The following CCSER1 variants were observed in gnomAD, a reference collection of about 807,000 sequenced individuals.
The protein encoded by CCSER1 is serine-rich coiled-coil domain-containing protein 1.
Under a neutral mutation model 82.0 loss-of-function variants are expected in CCSER1, and 41 were observed. The observed-to-expected ratio is 0.50, with a 90% CI of 0.39 to 0.65. CCSER1 has a LOEUF of 0.65. Among genes scored for constraint, CCSER1 ranks in the 30% least tolerant of loss-of-function variants. The pLI is 0.00. For missense variants in CCSER1, 1,119 were observed against 1,064.2 expected (o/e 1.05, Z -0.72); for synonymous variants, 414 against 383.9 (o/e 1.08, Z -0.92).
chr4:91,297,012 T>C (rs1340600795), intron 10 of CCSER1, among the ~76,000 whole-genome samples: 1 of 151,722 alleles, frequency 6.6e-6, no homozygotes, highest in Non-Finnish European at 1.5e-5. Context: ...CCAGCAATCC[T>C]TAAAGAGGAC....
chr4:91,339,108 G>A (rs920649344), intron 10 of CCSER1, among the ~76,000 whole-genome samples: 1 of 152,062 alleles, frequency 6.6e-6, no homozygotes, highest in African/African-American at 2.4e-5. Context: ...ATATAGAATT[G>A]TGCCTCAATG....
chr4:90,539,112 C>T (rs182438302), intron 5 of CCSER1, among the ~76,000 whole-genome samples: 195 of 152,014 alleles, frequency 1.3e-3, no homozygotes, highest in Admixed American at 3.1e-3. Context: ...TATAAAGGTA[C>T]GTAAACTTAT....
At chr4:90,286,098 T>A (rs1269311245) in intron 1 of CCSER1, among the ~76,000 whole-genome samples, 2 of 152,100 alleles carry the variant, frequency 1.3e-5, no homozygotes, top group East Asian at 3.9e-4. Context: ...GCATTTTTCT[T>A]TTTTTGTCAT....
chr4:90,813,567 G>T (rs1758618804), intron 7 of CCSER1, among the ~76,000 whole-genome samples: 2 of 152,076 alleles, frequency 1.3e-5, no homozygotes, highest in South Asian at 4.1e-4. Context: ...TCTTTCCTAT[G>T]CTATTCTCGT....
chr4:91,505,336 A>G (rs956749382), intron 10 of CCSER1, among the ~76,000 whole-genome samples: 4 of 152,294 alleles, frequency 2.6e-5, no homozygotes, highest in South Asian at 4.1e-4. Flanking sequence ...TAATCAGTCT[A>G]TCATCTATTG....
intron 10 of CCSER1, among the ~76,000 whole-genome samples, chr4:91,375,493 A>G (rs965210296): frequency 2.0e-5 from 3 of 151,972 alleles, no homozygotes; most frequent in Non-Finnish European, 2.9e-5. Context: ...GGAAGTGTCA[A>G]CTGATGTGGG....
At chr4:90,923,761 A>G (rs937166039) in intron 9 of CCSER1, among the ~76,000 whole-genome samples, 10 of 152,226 alleles carry the variant, frequency 6.6e-5, no homozygotes, top group African/African-American at 2.4e-4. Context: ...TTTTAAGAAA[A>G]TATTTATTTA....
At chr4:90,501,852 T>A (rs1769929159) in intron 5 of CCSER1, among the ~76,000 whole-genome samples, 1 of 152,156 alleles carries the variant, frequency 6.6e-6, no homozygotes, top group African/African-American at 2.4e-5. Flanking sequence ...TCCAAAATTA[T>A]TTTTTTAAAC....
At chr4:90,476,040 G>GTGTGTGTA (rs1553921031) in intron 5 of CCSER1, among the ~76,000 whole-genome samples, 1 of 146,504 alleles carries the variant, frequency 6.8e-6, no homozygotes, top group Non-Finnish European at 1.5e-5. Flanking sequence ...GTGTGTGTGT[G>GTGTGTGTA]TGTGTATGTG....
intron 5 of CCSER1, among the ~76,000 whole-genome samples, chr4:90,564,359 G>A (rs942527667): frequency 6.6e-6 from 1 of 151,990 alleles, no homozygotes; most frequent in Non-Finnish European, 1.5e-5. Flanking sequence ...CCAGTCCATT[G>A]TTTAAAATTG....
At chr4:91,317,449 T>C (rs563174837) in intron 10 of CCSER1, among the ~76,000 whole-genome samples, 1 of 151,990 alleles carries the variant, frequency 6.6e-6, no homozygotes, top group Non-Finnish European at 1.5e-5. Context: ...CCCATTCTCT[T>C]TCACCTTGCC....
At chr4:91,337,913 G>A (rs954826620) in intron 10 of CCSER1, among the ~76,000 whole-genome samples, 1 of 152,196 alleles carries the variant, frequency 6.6e-6, no homozygotes, top group South Asian at 2.1e-4. Context: ...AATTACATAA[G>A]GAGAGAGGTA....
intron 7 of CCSER1, among the ~76,000 whole-genome samples, chr4:90,811,910 TACACACACAC>T (rs67215286): frequency 4.3e-4 from 49 of 113,152 alleles, no homozygotes; most frequent in African/African-American, 9.9e-4. Context: ...AATATATATA[TACACACACAC>T]ACACACACAC....
intron 4 of CCSER1, chr4:90,403,987 A>T (rs761322669): frequency 5.3e-5 from 8 of 152,176 alleles, no homozygotes; most frequent in Non-Finnish European, 8.8e-5. Context: ...GAATTGGATC[A>T]CCGCCACAGG....
At chr4:91,379,971 A>G (rs1750747074) in intron 10 of CCSER1, among the ~76,000 whole-genome samples, 1 of 152,288 alleles carries the variant, frequency 6.6e-6, no homozygotes, top group South Asian at 2.1e-4. Flanking sequence ...GGTTTCAAAG[A>G]ACATCTTTAT....
intron 10 of CCSER1, among the ~76,000 whole-genome samples, chr4:91,332,122 C>T (rs1016769983): frequency 2.0e-5 from 3 of 151,902 alleles, no homozygotes; most frequent in African/African-American, 2.4e-5. Flanking sequence ...GAAATCATTT[C>T]GAATGCTCAT....
intron 10 of CCSER1, among the ~76,000 whole-genome samples, chr4:91,221,823 G>A (rs1737773271): frequency 6.6e-6 from 1 of 151,988 alleles, no homozygotes; most frequent in Non-Finnish European, 1.5e-5. Context: ...AATAGCTAGA[G>A]TCCAGTGTGA....
chr4:90,752,559 T>A (rs1394664911), intron 7 of CCSER1, among the ~76,000 whole-genome samples: 1 of 152,086 alleles, frequency 6.6e-6, no homozygotes, highest in Non-Finnish European at 1.5e-5. Context: ...TTTGTCATTT[T>A]CCAAATAGTG....
chr4:90,583,611 C>T (rs17017217), intron 5 of CCSER1, among the ~76,000 whole-genome samples: 6,430 of 151,818 alleles, frequency 0.042, 344 homozygotes, highest in African/African-American at 0.12. Context: ...TGGTGACGAC[C>T]GAAACTTTAA....
Sources: allele counts gnomAD v4.1 joint callset (sites outside exome capture counted in the v4.1 genomes callset), GRCh38; gene constraint gnomAD v4.1.1; transcripts MANE v1.5; gene names NCBI Gene and HGNC (gene_info 2026-07-23, HGNC 2026-07-21).